Variants in SAMMSON observed in about 807,000 individuals in gnomAD.
SAMMSON encodes survival associated mitochondrial melanoma specific oncogenic non-coding RNA, also known as long intergenic non-protein coding RNA 1212.
At chr3:70,124,953 A>C (rs1313653621) in intron 4 of SAMMSON, 1 of 577,308 alleles carries the variant, frequency 1.7e-6, no homozygotes, top group African/African-American at 1.9e-5. Context: ...ATTTTTAAAT[A>C]TACTTTCAAA....
At chr3:70,168,733 C>T (rs1014795665) in intron 4 of SAMMSON, among the ~76,000 whole-genome samples, 12 of 151,922 alleles carry the variant, frequency 7.9e-5, no homozygotes, top group African/African-American at 2.9e-4. Context: ...CAATAGATAG[C>T]ATCTTTTCTG....
chr3:70,207,074 A>T (rs976312689), intron 4 of SAMMSON, among the ~76,000 whole-genome samples: 4 of 151,016 alleles, frequency 2.6e-5, no homozygotes, highest in African/African-American at 7.3e-5. Context: ...AGAATCAAGC[A>T]ATTCATTCAC....
intron 7 of SAMMSON, among the ~76,000 whole-genome samples, chr3:70,345,669 G>A (rs913095066): frequency 3.3e-5 from 5 of 151,900 alleles, no homozygotes; most frequent in African/African-American, 9.7e-5. Flanking sequence ...CCAAAACCTC[G>A]GCAACCATTA....
chr3:70,125,098 T>A, intron 4 of SAMMSON: 1 of 1,090,652 alleles, frequency 9.2e-7, no homozygotes. Context: ...TAGGATCTGG[T>A]TTTTGTCTAG....
At position 70,152,789 on chromosome 3, in the gene SAMMSON, T is replaced by G. The variant is rs886867562; in HGVS notation, n.507+81224T>G. ...AGAGTAGAAGGTATTGCTTCATGTT[T>G]AGACTTTTCCAGTGAAAATGAATTG... On this transcript the variant is annotated intron_variant and non_coding_transcript_variant, in intron 4 of 9. Coordinates refer to ENST00000642114, the Ensembl canonical transcript of SAMMSON. 5.3e-5 allele frequency among the ~76,000 whole-genome samples: 8 copies of G among 152,078 alleles called. No homozygotes were observed. The East Asian group carries it at 1.5e-3, about 29-fold the overall frequency.
At chr3:70,169,227 C>G (rs913488138) in intron 4 of SAMMSON, among the ~76,000 whole-genome samples, 1 of 151,990 alleles carries the variant, frequency 6.6e-6, no homozygotes, top group Non-Finnish European at 1.5e-5. Flanking sequence ...AAGTGCTTCT[C>G]AGTTTTAAGA....
chr3:70,231,569 C>T (rs1461022620), intron 4 of SAMMSON, among the ~76,000 whole-genome samples: 1 of 152,138 alleles, frequency 6.6e-6, no homozygotes, highest in Non-Finnish European at 1.5e-5. Flanking sequence ...GGATGATTAC[C>T]CCTTAATGGG....
intron 4 of SAMMSON, among the ~76,000 whole-genome samples, chr3:70,108,684 G>T (rs1022365936): frequency 6.6e-6 from 1 of 151,514 alleles, no homozygotes; most frequent in African/African-American, 2.4e-5. Context: ...TGTAAGAGGC[G>T]ACACCGGAGA....
chr3:70,118,040 C>A (rs1380010710), intron 4 of SAMMSON, among the ~76,000 whole-genome samples: 1 of 152,128 alleles, frequency 6.6e-6, no homozygotes, highest in Non-Finnish European at 1.5e-5. Context: ...GCCTCAGCCT[C>A]GCAAGTAGCT....
intron 2 of SAMMSON, among the ~76,000 whole-genome samples, chr3:70,402,716 G>A (rs1701149636): frequency 6.6e-6 from 1 of 151,942 alleles, no homozygotes; most frequent in Non-Finnish European, 1.5e-5. Flanking sequence ...ACAAAAATTA[G>A]CTGAGTGTGA....
intron 9 of SAMMSON, among the ~76,000 whole-genome samples, chr3:70,380,892 C>A (rs1311695441): frequency 6.6e-6 from 1 of 152,148 alleles, no homozygotes; most frequent in Admixed American, 6.6e-5. Context: ...TTTATGGCTG[C>A]ATAGTATTCC....
intron 7 of SAMMSON, among the ~76,000 whole-genome samples, chr3:70,299,456 C>T (rs1702324971): frequency 6.6e-6 from 1 of 152,046 alleles, no homozygotes; most frequent in Non-Finnish European, 1.5e-5. Context: ...CGTAAAGCCA[C>T]ACAAAAGCAC....
At chr3:70,304,863 A>G (rs1288871399) in intron 7 of SAMMSON, among the ~76,000 whole-genome samples, 3 of 152,114 alleles carry the variant, frequency 2.0e-5, no homozygotes, top group Admixed American at 1.3e-4. Flanking sequence ...ATTATTTCCA[A>G]TTTAAGCACC....
chr3:70,090,797 T>A (rs2067302266), intron 4 of SAMMSON, among the ~76,000 whole-genome samples: 1 of 151,604 alleles, frequency 6.6e-6, no homozygotes, highest in Non-Finnish European at 1.5e-5. Flanking sequence ...AAAAAAACCA[T>A]TGGCTGATAC....
At chr3:70,232,926 C>T (rs879317307) in intron 4 of SAMMSON, among the ~76,000 whole-genome samples, 1 of 152,082 alleles carries the variant, frequency 6.6e-6, no homozygotes, top group Non-Finnish European at 1.5e-5. Flanking sequence ...TGGGGGTTCA[C>T]ACCGGTAATC....
chr3:70,334,456 C>G (rs1025399750), intron 7 of SAMMSON, among the ~76,000 whole-genome samples: 21 of 151,824 alleles, frequency 1.4e-4, no homozygotes, highest in Non-Finnish European at 2.4e-4. Context: ...GGGGCACAAG[C>G]TCAAAATTAT....
chr3:70,006,605 G>T (rs1204432375), intron 1 of SAMMSON, among the ~76,000 whole-genome samples: 2 of 152,062 alleles, frequency 1.3e-5, no homozygotes, highest in African/African-American at 4.8e-5. Flanking sequence ...CTTATCAGGA[G>T]CAATGCTCCT....
intron 4 of SAMMSON, among the ~76,000 whole-genome samples, chr3:70,235,631 G>T (rs1466888183): frequency 6.6e-6 from 1 of 152,010 alleles, no homozygotes; most frequent in Non-Finnish European, 1.5e-5. Flanking sequence ...TCCTCTTTTA[G>T]AGGTTTCTCT....
At chr3:70,019,955 C>G (rs1228160590) in intron 3 of SAMMSON, among the ~76,000 whole-genome samples, 1 of 152,140 alleles carries the variant, frequency 6.6e-6, no homozygotes. Flanking sequence ...TCCCTGAATC[C>G]TCTCTGTGAA....
Sources: allele counts gnomAD v4.1 joint callset (sites outside exome capture counted in the v4.1 genomes callset), GRCh38; gene constraint gnomAD v4.1.1; transcripts MANE v1.5; gene names NCBI Gene and HGNC (gene_info 2026-07-23, HGNC 2026-07-21).